ZZEF1: variants seen among roughly 807,000 people sequenced by gnomAD.
ZZEF1 encodes zinc finger ZZ-type and EF-hand domain containing 1.
ZZEF1 carries 157 observed loss-of-function variants against 342.8 expected under a neutral mutation model. The observed-to-expected ratio is 0.46, with a 90% confidence interval of 0.40 to 0.52. The LOEUF (loss-of-function observed/expected upper bound fraction) is 0.52. Ranked by LOEUF, ZZEF1 falls within the 20% of genes least tolerant of loss-of-function variation. The probability of loss-of-function intolerance (pLI) is 0.00; values close to 1 mark genes in which losing one functional copy is unlikely to be tolerated. For synonymous variants in ZZEF1, 1,505 were observed against 1,429.1 expected, an observed-to-expected ratio of 1.05 and a Z score of -1.20; for missense variants, 3,480 against 3,725.6, an observed-to-expected ratio of 0.93 and a Z score of 1.72.
intron 42 of ZZEF1, among the ~76,000 whole-genome samples, chr17:4,031,079 C>G (rs952926146): frequency 6.6e-6 from 1 of 152,196 alleles, no homozygotes; most frequent in Non-Finnish European, 1.5e-5. Flanking sequence ...CTTTGGGAGG[C>G]CAAGGCAGGC....
At position 4,142,816 on chromosome 17, in the gene ZZEF1, C is replaced by G; in HGVS notation, c.80G>C (p.Trp27Ser). ...GGGGGTCGTGCCCGAGACCGCGGCC[C>G]AGTCCTGGTGTGGGCCCCAGCCCTC... Reference protein sequence around the residue: ...GGEGWGPHQDWAAVSGTTPGP... With the variant: ...GGEGWGPHQDSAAVSGTTPGP... Residue 27 changes from tryptophan to serine, a missense_variant, in exon 1 of 55, where the codon TGG (tryptophan) becomes TCG (serine). Physicochemically the swap from Trp to Ser is radical, Grantham distance 177. Around this residue, in one of 5 missense-constraint regions of ZZEF1, gnomAD observed 416 missense variants for 374.2 expected, o/e 1.11. Transcript: ENST00000381638. 7.1e-7 allele frequency: 1 copy of G among 1,410,360 alleles called. No homozygotes were observed. The highest frequency in any genetic ancestry group is 9.1e-7 in the Non-Finnish European group (1 of 1,094,504). The allele number at this position is 1,410,360 out of a possible 1,614,324, so 87.4% of individuals were successfully genotyped here. A position where few individuals can be genotyped will look rare whatever the true frequency, so the allele number is the denominator to read the frequency against.
At chr17:4,103,875 A>G (rs917539041) in intron 8 of ZZEF1, among the ~76,000 whole-genome samples, 1 of 152,196 alleles carries the variant, frequency 6.6e-6, no homozygotes, top group Non-Finnish European at 1.5e-5. Flanking sequence ...AGCCGTGATC[A>G]TGCCACTGCA....
chr17:4,065,397 C>T (rs1426648928), intron 28 of ZZEF1, among the ~76,000 whole-genome samples: 1 of 123,500 alleles, frequency 8.1e-6, no homozygotes, highest in Non-Finnish European at 1.8e-5. Flanking sequence ...ACACTGTCTC[C>T]AAAAAAAAAA....
chr17:4,059,511 TGA>T (rs2057240121), intron 30 of ZZEF1, among the ~76,000 whole-genome samples: 1 of 152,150 alleles, frequency 6.6e-6, no homozygotes. Flanking sequence ...AGCATGGAGA[TGA>T]GATTATTTAT....
chr17:4,097,477 GAAAA>G (rs1174680383), intron 9 of ZZEF1, among the ~76,000 whole-genome samples: 1 of 13,858 alleles, frequency 7.2e-5, no homozygotes, highest in African/African-American at 1.0e-4. Context: ...TTTGAAATGG[GAAAA>G]AAAAAAAAAA....
chr17:4,124,143 G>A (rs1463473445), intron 1 of ZZEF1, 92 bp from the exon 2 acceptor site: 2 of 1,426,994 alleles, frequency 1.4e-6, no homozygotes, highest in Non-Finnish European at 1.9e-6. Flanking sequence ...CGAGACCGGT[G>A]ATTTATTTAT....
At chr17:4,032,351 TC>T in intron 41 of ZZEF1, 93 bp from the exon 42 acceptor site, 1 of 1,384,876 alleles carries the variant, frequency 7.2e-7, no homozygotes, top group East Asian at 2.4e-5. Flanking sequence ...TGATTGTGCC[TC>T]TGATTTCAAC....
chr17:4,103,696 C>G (rs578095098), intron 8 of ZZEF1, among the ~76,000 whole-genome samples: 7 of 152,224 alleles, frequency 4.6e-5, no homozygotes, highest in African/African-American at 1.7e-4. Flanking sequence ...GGTGGGAGGA[C>G]TGCTTCAGCC....
At chr17:4,072,111 C>T (rs2145277922) in intron 25 of ZZEF1, among the ~76,000 whole-genome samples, 1 of 151,042 alleles carries the variant, frequency 6.6e-6, no homozygotes, top group African/African-American at 2.4e-5. Flanking sequence ...CTGGATTTGG[C>T]AATTAACTAC....
chr17:4,114,365 T>G lies in ZZEF1; in HGVS notation c.800A>C (p.Lys267Thr). The G allele has an allele frequency of 6.2e-7, 1 of 1,612,592 alleles. No individual in the cohort carries two copies. Among genetic ancestry groups the G allele is most frequent in the Non-Finnish European group, 8.5e-7 (1 of 1,179,358 alleles). ...ETSSNSADID[K>T]MTNGETSSYW... ...GGATGAGGTTTCTCCATTTGTCATC[T>G]TGTCAATGTCTGCCGAGTTGGAGGA... The change falls in exon 4 of 55, where the codon AAG becomes ACG. Residue 267 changes from lysine (K) to threonine (T), a missense_variant. Physicochemically the swap from Lys to Thr is moderately conservative, Grantham distance 78 (BLOSUM62 -1). Coordinates refer to ENST00000381638, the MANE Select transcript of ZZEF1 (RefSeq NM_015113.4).
chr17:4,025,659 G>A (rs1244801065), intron 42 of ZZEF1, among the ~76,000 whole-genome samples: 1 of 150,244 alleles, frequency 6.7e-6, no homozygotes, highest in African/African-American at 2.5e-5. Context: ...TCCAGCCTGG[G>A]TGACAGAGTC....
At chr17:4,086,997 T>A (rs773677738) in intron 14 of ZZEF1, among the ~76,000 whole-genome samples, 4 of 152,192 alleles carry the variant, frequency 2.6e-5, no homozygotes, top group Non-Finnish European at 5.9e-5. Context: ...TTCTTCCGCC[T>A]CAGCCTCCCA....
At chr17:4,035,776 G>A (rs1347520735) in intron 39 of ZZEF1, among the ~76,000 whole-genome samples, 2 of 152,166 alleles carry the variant, frequency 1.3e-5, no homozygotes, top group African/African-American at 2.4e-5. Context: ...TCACTGCAAG[G>A]GGGCAACCTG....
At chr17:4,054,318 T>C (rs745675008) in intron 33 of ZZEF1, 123 bp from the exon 34 acceptor site, 29 of 1,074,028 alleles carry the variant, frequency 2.7e-5, no homozygotes, top group Non-Finnish European at 3.7e-5. Flanking sequence ...TGCTAGGATT[T>C]GATAATGAAT....
rs537812737 is a variant in ZZEF1 at position 4,034,164 on chromosome 17, G to T, written c.6435C>A (p.Ile2145=). ...LTLGLLGQLI[I]RLLPAEVDAA... ...CGTCTACCTCTGCTGGCAAAAGACG[G>T]ATAATTAACTGGCCGAGAAGACCCA... The change falls in exon 40 of 55, where the codon ATC becomes ATA. Residue 2145 remains isoleucine, a synonymous_variant. Transcript: ENST00000381638. 1.1e-5 allele frequency: 18 copies of T among 1,614,180 alleles called. No homozygotes were observed. In the South Asian group the frequency reaches 1.8e-4, roughly 16 times the overall value.
At position 4,006,573 on chromosome 17, in the gene ZZEF1, G is replaced by C. The variant is rs1186002916; in HGVS notation, c.*317C>G. 1 of 382,496 alleles carries C rather than the reference G, an allele frequency of 2.6e-6. No individual in the cohort carries two copies. Among genetic ancestry groups the C allele is most frequent in the Non-Finnish European group, 4.9e-6 (1 of 205,692 alleles). The allele number at this position is 382,496 out of a possible 1,614,324, so 23.7% of individuals were successfully genotyped here. On this transcript the variant is annotated 3_prime_UTR_variant, in exon 55 of 55. Coordinates refer to ENST00000381638, the MANE Select transcript of ZZEF1 (RefSeq NM_015113.4). ...ACCAGTTGAGAGAGGCCGCTTCCAA[G>C]TCTTCCCAGGCCCACGGCTCCTGCA...
intron 2 of ZZEF1, among the ~76,000 whole-genome samples, chr17:4,120,282 G>C (rs1373141707): frequency 1.3e-5 from 2 of 151,842 alleles, no homozygotes; most frequent in African/African-American, 2.4e-5. Context: ...GCTTGAATCC[G>C]GGAGGCAGAA....
intron 34 of ZZEF1, among the ~76,000 whole-genome samples, chr17:4,052,828 C>T (rs563403174): frequency 1.4e-5 from 2 of 145,552 alleles, no homozygotes; most frequent in Non-Finnish European, 3.0e-5. Flanking sequence ...GATGGTGCCA[C>T]TGTACTCTAG....
rs10715482 is a variant in ZZEF1 at position 4,135,473 on chromosome 17, T to TA, written c.354+7068dup. On this transcript the variant is annotated intron_variant, in intron 1 of 54. Transcript: ENST00000381638. ...TGGGCAACAGAGCAAGACTCCATCTTAAAAAAAAAAAGGTGCCTCTGTACA... is the reference window on the plus strand; with the variant it reads ...TGGGCAACAGAGCAAGACTCCATCTTAAAAAAAAAAAAGGTGCCTCTGTACA... Among the ~76,000 whole-genome samples, 125 of 150,230 alleles carry TA rather than the reference T, an allele frequency of 8.3e-4. 1 individual carries two copies. The highest frequency in any genetic ancestry group is 3.4e-3 in the Middle Eastern group (1 of 294).
Sources: gnomAD v4.1 joint callset for allele counts (sites outside exome capture counted in the v4.1 genomes callset) on GRCh38, gnomAD v4.1.1 for gene constraint, gnomAD v4.1.1 regional missense constraint, MANE v1.5 for transcripts, NCBI Gene and HGNC (gene_info 2026-07-23, HGNC 2026-07-21) for gene names.